Variants in CNOT6L observed in about 807,000 individuals in gnomAD.
CNOT6L encodes CCR4-NOT transcription complex subunit 6-like.
In CNOT6L, 7 loss-of-function variants were observed where a neutral mutation model predicts 64.0. That is an observed-to-expected ratio of 0.11 (90% CI 0.06 to 0.21). The LOEUF (loss-of-function observed/expected upper bound fraction) is 0.21. CNOT6L is among the 10% of genes least tolerant of loss of function. CNOT6L has a pLI of 1.00. For missense variants in CNOT6L, 245 were observed against 669.0 expected (o/e 0.37, Z 6.99); for synonymous variants, 193 against 243.4 (o/e 0.79, Z 1.93).
intron 8 of CNOT6L, among the ~76,000 whole-genome samples, chr4:77,735,911 T>C (rs1386826172): frequency 2.0e-5 from 3 of 152,232 alleles, no homozygotes; most frequent in South Asian, 2.1e-4. Context: ...TGATTAGTTA[T>C]TGATCTTTCT....
chr4:77,768,818 C>T (rs982834024), intron 4 of CNOT6L, among the ~76,000 whole-genome samples: 5 of 151,926 alleles, frequency 3.3e-5, no homozygotes, highest in Admixed American at 2.0e-4. Context: ...GGAGAAAAGA[C>T]TGAAAATGAA....
intron 11 of CNOT6L, among the ~76,000 whole-genome samples, chr4:77,721,776 G>C (rs1379901859): frequency 1.3e-5 from 2 of 152,010 alleles, no homozygotes; most frequent in South Asian, 2.1e-4. Context: ...TTCAAGACCA[G>C]CCTGGTAAAC....
Position 77,748,382 on chromosome 4 carries a change from G to T in CNOT6L, c.493C>A (p.His165Asn). The change falls in exon 6 of 12, where the codon CAT (histidine) becomes AAT (asparagine). Residue 165 changes from histidine (H) to asparagine (N), a missense_variant and splice_region_variant. This residue lies in a region of CNOT6L where 94 missense variants were observed against 290.9 expected (regional missense o/e 0.32). Coordinates refer to ENST00000504123, the MANE Select transcript of CNOT6L (RefSeq NM_144571.3). ...LNFMLDNLAV[H>N]PEQLPPRPWI... ...GGCCTCGGAGGAAGCTGCTCTGGAT[G>T]AACTGAAAAAAATTTTGTAAATATA... 1 of 1,609,074 alleles carries T rather than the reference G, an allele frequency of 6.2e-7. No homozygotes were observed. The highest frequency in any genetic ancestry group is 8.5e-7 in the Non-Finnish European group (1 of 1,176,466).
chr4:77,731,541 A>G lies in CNOT6L; in HGVS notation c.873-3T>C. 1 of 1,548,400 alleles carries G rather than the reference A, an allele frequency of 6.5e-7. No individual in the cohort carries two copies. Among genetic ancestry groups the G allele is most frequent in the Non-Finnish European group, 8.7e-7 (1 of 1,152,162 alleles). The stretch of plus-strand genomic sequence containing the variant: ...TATGCTTCTGCACCAATGTAAATCT[A>G]AAAGGTACATTATTATAATTTTAGG... On this transcript the variant is annotated splice_polypyrimidine_tract_variant and splice_region_variant and intron_variant, in intron 8 of 11. Transcript: ENST00000504123.
chr4:77,816,574 CTG>C (rs1186178064), intron 1 of CNOT6L, among the ~76,000 whole-genome samples: 1 of 152,128 alleles, frequency 6.6e-6, no homozygotes, highest in Admixed American at 6.5e-5. Context: ...CCTCCCCATC[CTG>C]TGACTCTTAC....
rs1342762696 is a variant in CNOT6L, at chr4:77,719,358, G to A, written c.*1073C>T. Reference sequence around the variant, plus strand: ...AAATGACCCAACGTTTTCAACTACTGCCCCAAATTTGTTCTCTCTCCCAAA... The same window carrying A: ...AAATGACCCAACGTTTTCAACTACTACCCCAAATTTGTTCTCTCTCCCAAA... On this transcript the variant is annotated 3_prime_UTR_variant, in exon 12 of 12. Transcript: ENST00000504123. 1.3e-5 allele frequency: 2 copies of A among 152,568 alleles called. No individual in the cohort carries two copies. The highest frequency in any genetic ancestry group is 4.8e-5 in the African/African-American group (2 of 41,438). The allele number at this position is 152,568 out of a possible 1,614,324, so 9.5% of individuals were successfully genotyped here. A position where few individuals can be genotyped will look rare whatever the true frequency, so the allele number is the denominator to read the frequency against.
intron 5 of CNOT6L, among the ~76,000 whole-genome samples, chr4:77,748,959 A>G (rs376801745): frequency 2.6e-5 from 4 of 152,198 alleles, no homozygotes; most frequent in East Asian, 3.8e-4. Flanking sequence ...TATCAATACT[A>G]TGGAACTAAA....
chr4:77,745,927 C>A (rs889888630), intron 6 of CNOT6L, among the ~76,000 whole-genome samples: 1 of 152,178 alleles, frequency 6.6e-6, no homozygotes, highest in South Asian at 2.1e-4. Context: ...TCAGTTCAGT[C>A]CCCTGGGGGG....
At chr4:77,744,139 G>A (rs1723928081) in intron 7 of CNOT6L, among the ~76,000 whole-genome samples, 1 of 152,016 alleles carries the variant, frequency 6.6e-6, no homozygotes, top group Middle Eastern at 3.4e-3. Flanking sequence ...CATCTTTTTG[G>A]CTAATCATTA....
At chr4:77,800,524 T>A (rs1023401742) in intron 1 of CNOT6L, among the ~76,000 whole-genome samples, 5 of 151,284 alleles carry the variant, frequency 3.3e-5, no homozygotes, top group Admixed American at 6.6e-5. Context: ...AAAAAAAAAT[T>A]AAAAAAAATA....
rs1720808055 is a variant in CNOT6L, at chr4:77,716,963, T to G, written c.*3468A>C. ...CCATACCTGACTTCAACATGTGATA[T>G]TCAAACGAATGTTCACACGCCTTAC... On this transcript the variant is annotated 3_prime_UTR_variant, in exon 12 of 12. Coordinates refer to ENST00000504123, the MANE Select transcript of CNOT6L (RefSeq NM_144571.3). 6.6e-6 allele frequency: 1 copy of G among 152,538 alleles called. No individual in the cohort carries two copies. The highest frequency in any genetic ancestry group is 1.5e-5 in the Non-Finnish European group (1 of 68,010). 9.4% of individuals were successfully genotyped at this position (152,538 alleles called of 1,614,324 possible). A position where few individuals can be genotyped will look rare whatever the true frequency, so the allele number is the denominator to read the frequency against.
intron 1 of CNOT6L, among the ~76,000 whole-genome samples, chr4:77,778,138 C>T (rs888225268): frequency 6.6e-6 from 1 of 152,142 alleles, no homozygotes; most frequent in African/African-American, 2.4e-5. Context: ...TTGATTTCTA[C>T]CATATTCAGC....
At chr4:77,726,448 G>T in intron 10 of CNOT6L, 79 bp from the exon 11 acceptor site, 1 of 1,121,848 alleles carries the variant, frequency 8.9e-7, no homozygotes. Flanking sequence ...TTGTTACCAG[G>T]TTAATCCACC....
At chr4:77,779,133 C>G (rs1277621632) in intron 1 of CNOT6L, among the ~76,000 whole-genome samples, 1 of 151,600 alleles carries the variant, frequency 6.6e-6, no homozygotes, top group East Asian at 1.9e-4. Flanking sequence ...ATCACGGCTC[C>G]CACTAGATGG....
At chr4:77,819,039 G>A (rs1400606460) in intron 1 of CNOT6L, 14 of 554,504 alleles carry the variant, frequency 2.5e-5, no homozygotes, top group Admixed American at 8.3e-5. Context: ...CCCGGCCCCG[G>A]GCCACCCCCG....
In CNOT6L at chr4:77,774,700, T is replaced by C. The variant is rs761602877; in HGVS notation, c.144A>G (p.Leu48=). 2.5e-6 allele frequency: 4 copies of C among 1,605,388 alleles called. No homozygotes were observed. Among genetic ancestry groups the C allele is most frequent in the Non-Finnish European group, 3.4e-6 (4 of 1,176,350 alleles). The change falls in exon 3 of 12, where the codon CTA becomes CTG. Residue 48 remains leucine (L), a synonymous_variant. Coordinates refer to ENST00000504123, the MANE Select transcript of CNOT6L (RefSeq NM_144571.3). ...GTGTCAATGACCAAAGTGATGTACTTAGGCTCCGCACTCTACCTAAAAGGC... is the reference window on the plus strand; with the variant it reads ...GTGTCAATGACCAAAGTGATGTACTCAGGCTCCGCACTCTACCTAAAAGGC... ...ELEISGRVRS[L]STSLWSLTHL...
In CNOT6L at chr4:77,714,438, TAAAAAAAAAA is replaced by T. The variant is rs201499481; in HGVS notation, c.*5983_*5992del. On this transcript the variant is annotated 3_prime_UTR_variant, in exon 12 of 12. Coordinates refer to ENST00000504123, the MANE Select transcript of CNOT6L (RefSeq NM_144571.3). ...AGAAAAAGTACATACACACTCTCTT[TAAAAAAAAAA>T]AAAAAAAAAAAAAAAAAAAAAAAAA... 11 of 134,668 alleles carry T rather than the reference TAAAAAAAAAA, an allele frequency of 8.2e-5. No homozygotes were observed. The highest frequency in any genetic ancestry group is 4.2e-4 in the East Asian group (2 of 4,710). The allele number at this position is 134,668 out of a possible 1,614,324, so 8.3% of individuals were successfully genotyped here.
chr4:77,744,328 A>G (rs1309651168), intron 7 of CNOT6L, among the ~76,000 whole-genome samples: 3 of 151,946 alleles, frequency 2.0e-5, no homozygotes, highest in Non-Finnish European at 4.4e-5. Context: ...TGTTTAAGGA[A>G]TAACTGTGGG....
chr4:77,811,616 T>A (rs1284604901), intron 1 of CNOT6L, among the ~76,000 whole-genome samples: 1 of 152,092 alleles, frequency 6.6e-6, no homozygotes, highest in African/African-American at 2.4e-5. Context: ...CCCCTCTTCC[T>A]CCAGCAAGAT....
Sources: gnomAD v4.1 joint callset for allele counts (sites outside exome capture counted in the v4.1 genomes callset) on GRCh38, gnomAD v4.1.1 for gene constraint, gnomAD v4.1.1 regional missense constraint, MANE v1.5 for transcripts, NCBI Gene and HGNC (gene_info 2026-07-23, HGNC 2026-07-21) for gene names.